RYR2: variants seen among roughly 807,000 people sequenced by gnomAD.
RYR2 encodes the protein ryanodine receptor 2.
RYR2 carries 227 observed loss-of-function variants against 601.1 expected under a neutral mutation model. The ratio of observed to expected loss-of-function variants is 0.38; its 90% confidence interval spans 0.34 to 0.42. The LOEUF (loss-of-function observed/expected upper bound fraction) is 0.42. RYR2 is among the 10% of genes least tolerant of loss of function. RYR2 has a pLI of 1.00. For missense variants in RYR2, 4,646 were observed against 6,156.5 expected, an observed-to-expected ratio of 0.75 and a Z score of 8.21; for synonymous variants, 2,223 against 2,175.1, an observed-to-expected ratio of 1.02 and a Z score of -0.61.
chr1:237,473,851 AC>A (rs766738328), intron 17 of RYR2, among the ~76,000 whole-genome samples: 1 of 152,188 alleles, frequency 6.6e-6, no homozygotes, highest in Non-Finnish European at 1.5e-5. Flanking sequence ...GACAAGCATT[AC>A]CTCTACATTT....
chr1:237,309,685 C>A (rs556830012), intron 2 of RYR2, among the ~76,000 whole-genome samples: 1 of 152,036 alleles, frequency 6.6e-6, no homozygotes, highest in Non-Finnish European at 1.5e-5. Context: ...CAGGGGGCGG[C>A]GCTTGTCGGG....
chr1:237,192,422 C>A (rs1680075651), intron 1 of RYR2, among the ~76,000 whole-genome samples: 1 of 152,138 alleles, frequency 6.6e-6, no homozygotes, highest in Non-Finnish European at 1.5e-5. Flanking sequence ...ACCATGTTGG[C>A]CAGGCTGGTC....
Position 237,640,160 on chromosome 1 carries a change from C to T in RYR2, c.7116-737C>T, listed in dbSNP as rs189866748. 3.5e-4 allele frequency among the ~76,000 whole-genome samples: 54 copies of T among 152,218 alleles called. 1 individual carries two copies. The East Asian group carries it at 5.1e-3, about 14-fold the overall frequency. On this transcript the variant is annotated intron_variant, in intron 46 of 104. Transcript: ENST00000366574. The stretch of plus-strand genomic sequence containing the variant: ...AGCAAGGGTACACCTGAGGGCCTCA[C>T]GGACACCCTTGCATGCCCAGGAATG...
At chr1:237,323,828 G>T (rs547704383) in intron 2 of RYR2, among the ~76,000 whole-genome samples, 1 of 152,310 alleles carries the variant, frequency 6.6e-6, no homozygotes, top group African/African-American at 2.4e-5. Context: ...AAGATTCAAA[G>T]GATTTAAGAC....
At chr1:237,249,544 G>A (rs1320757881) in intron 1 of RYR2, among the ~76,000 whole-genome samples, 1 of 152,202 alleles carries the variant, frequency 6.6e-6, no homozygotes, top group African/African-American at 2.4e-5. Context: ...AGGAGCAAGT[G>A]TAGATTTTTT....
chr1:237,289,064 A>G (rs1032228314), intron 2 of RYR2, among the ~76,000 whole-genome samples: 1 of 152,160 alleles, frequency 6.6e-6, no homozygotes, highest in East Asian at 1.9e-4. Context: ...TCACGCAAAC[A>G]GACCTTCGGC....
At chr1:237,831,879 A>C (rs559252597) in intron 104 of RYR2, among the ~76,000 whole-genome samples, 19 of 152,332 alleles carry the variant, frequency 1.2e-4, no homozygotes, top group African/African-American at 4.3e-4. Flanking sequence ...AATCAGATAG[A>C]TGATTTCCAA....
intron 1 of RYR2, among the ~76,000 whole-genome samples, chr1:237,234,367 A>G (rs1336237447): frequency 6.6e-6 from 1 of 152,112 alleles, no homozygotes; most frequent in Admixed American, 6.5e-5. Flanking sequence ...TCTAGACTGA[A>G]TTCATAATAT....
At chr1:237,623,359 G>GTTTCTTTCTTTCTTTGTTTGTTTGTTTC (rs35848815) in intron 38 of RYR2, among the ~76,000 whole-genome samples, 17 of 48,950 alleles carry the variant, frequency 3.5e-4, no homozygotes, top group Admixed American at 2.4e-3. Context: ...GCCTTTCTTT[G>GTTTCTTTCTTTCTTTGTTTGTTTGTTTC]TTTCTTTCTT....
intron 44 of RYR2, among the ~76,000 whole-genome samples, chr1:237,636,454 C>T (rs1680881215): frequency 6.6e-6 from 1 of 151,822 alleles, no homozygotes; most frequent in Non-Finnish European, 1.5e-5. Context: ...ATGTTTCCCC[C>T]GTATAGTACT....
At chr1:237,056,830 A>C (rs923764792) in intron 1 of RYR2, among the ~76,000 whole-genome samples, 2 of 152,126 alleles carry the variant, frequency 1.3e-5, no homozygotes, top group Admixed American at 1.3e-4. Flanking sequence ...GGAGCATTGC[A>C]TCTGTGAGCC....
intron 1 of RYR2, among the ~76,000 whole-genome samples, chr1:237,166,740 T>C (rs1170912210): frequency 6.6e-6 from 1 of 152,222 alleles, no homozygotes; most frequent in Non-Finnish European, 1.5e-5. Context: ...TAGTGACAAA[T>C]TGTACTGCAG....
At chr1:237,516,315 C>T (rs1041688910) in intron 24 of RYR2, among the ~76,000 whole-genome samples, 7 of 151,832 alleles carry the variant, frequency 4.6e-5, no homozygotes, top group Non-Finnish European at 1.0e-4. Flanking sequence ...GATGGGGTTT[C>T]GCCATCTTGG....
intron 1 of RYR2, among the ~76,000 whole-genome samples, chr1:237,224,182 T>C (rs937755763): frequency 2.0e-5 from 3 of 152,154 alleles, no homozygotes; most frequent in Admixed American, 6.6e-5. Flanking sequence ...GGAAACCTTT[T>C]TGGGGATTTA....
intron 1 of RYR2, among the ~76,000 whole-genome samples, chr1:237,262,155 C>T (rs1558516343): frequency 1.4e-5 from 2 of 148,020 alleles, no homozygotes; most frequent in Non-Finnish European, 3.0e-5. Context: ...TTGTAGAAAT[C>T]ATGTCTTATT....
At chr1:237,404,207 T>C (rs920889614) in intron 10 of RYR2, among the ~76,000 whole-genome samples, 1 of 152,150 alleles carries the variant, frequency 6.6e-6, no homozygotes, top group Non-Finnish European at 1.5e-5. Context: ...TGAGCTGTGA[T>C]TGCAACACTG....
At chr1:237,127,035 C>T (rs202230274) in intron 1 of RYR2, among the ~76,000 whole-genome samples, 3,118 of 151,838 alleles carry the variant, frequency 0.021, 96 homozygotes, top group East Asian at 0.12. Context: ...GCACATCTTG[C>T]ACCGCCCTTA....
intron 38 of RYR2, 104 bp downstream of exon 38, chr1:237,617,590 TC>T (rs2148615099): frequency 9.0e-7 from 1 of 1,115,580 alleles, no homozygotes; most frequent in Admixed American, 2.4e-5. Flanking sequence ...TTTTCCTTGT[TC>T]TGTTTAAAGT....
At chr1:237,308,710 G>C (rs978029967) in intron 2 of RYR2, among the ~76,000 whole-genome samples, 3 of 152,330 alleles carry the variant, frequency 2.0e-5, no homozygotes, top group Non-Finnish European at 2.9e-5. Context: ...AAGCAGTGCA[G>C]ACCCAAAGAG....
Sources: allele counts gnomAD v4.1 joint callset (sites outside exome capture counted in the v4.1 genomes callset), GRCh38; gene constraint gnomAD v4.1.1; transcripts MANE v1.5; gene names NCBI Gene and HGNC (gene_info 2026-07-23, HGNC 2026-07-21).